PAPPA: variants seen among roughly 807,000 people sequenced by gnomAD.
PAPPA encodes pappalysin 1.
A neutral mutation model predicts 164.0 loss-of-function variants in PAPPA; 60 were observed. The ratio of observed to expected loss-of-function variants is 0.37; its 90% CI spans 0.30 to 0.45. PAPPA has a LOEUF of 0.45. Ranked by LOEUF, PAPPA falls within the 20% of genes least tolerant of loss-of-function variation. PAPPA has a pLI of 1.00. For synonymous variants in PAPPA, 875 were observed against 814.1 expected, an observed-to-expected ratio of 1.07 and a Z score of -1.27; for missense variants, 1,782 against 2,087.3, an observed-to-expected ratio of 0.85 and a Z score of 2.85.
chr9:116,291,408 T>G (rs989323071), intron 9 of PAPPA, among the ~76,000 whole-genome samples: 44 of 152,208 alleles, frequency 2.9e-4, no homozygotes, highest in Non-Finnish European at 5.4e-4. Flanking sequence ...CTTGGATTTA[T>G]GCTCTGACCT....
intron 17 of PAPPA, among the ~76,000 whole-genome samples, chr9:116,356,675 G>A (rs1224749408): frequency 6.6e-6 from 1 of 152,164 alleles, no homozygotes. Flanking sequence ...TACATGTGTG[G>A]TGTTATATCT....
intron 18 of PAPPA, among the ~76,000 whole-genome samples, chr9:116,364,526 C>T (rs1846473983): frequency 6.6e-6 from 1 of 152,178 alleles, no homozygotes; most frequent in Non-Finnish European, 1.5e-5. Flanking sequence ...AACACATACA[C>T]ACACAGGTAG....
intron 2 of PAPPA, among the ~76,000 whole-genome samples, chr9:116,199,298 T>C (rs907399180): frequency 1.3e-5 from 2 of 152,184 alleles, no homozygotes; most frequent in African/African-American, 4.8e-5. Flanking sequence ...AATCTCTGCA[T>C]TTAGAGCAGC....
At chr9:116,212,038 G>A in intron 4 of PAPPA, 106 bp downstream of exon 4, 1 of 975,758 alleles carries the variant, frequency 1.0e-6, no homozygotes, top group Non-Finnish European at 1.6e-6. Flanking sequence ...TCTAAGGATG[G>A]AAGGCCTAGC....
At chr9:116,370,279 CG>C (rs1466864783) in intron 19 of PAPPA, among the ~76,000 whole-genome samples, 1 of 152,150 alleles carries the variant, frequency 6.6e-6, no homozygotes, top group Non-Finnish European at 1.5e-5. Context: ...CACACACGTA[CG>C]ACCACACACA....
intron 4 of PAPPA, among the ~76,000 whole-genome samples, chr9:116,214,603 TC>T (rs1404814854): frequency 6.6e-6 from 1 of 152,086 alleles, no homozygotes; most frequent in Non-Finnish European, 1.5e-5. Context: ...GAAGCCTAAT[TC>T]AGTAGGCAGG....
chr9:116,295,869 T>G (rs1331625963), intron 9 of PAPPA, among the ~76,000 whole-genome samples: 1 of 152,214 alleles, frequency 6.6e-6, no homozygotes, highest in Non-Finnish European at 1.5e-5. Flanking sequence ...CCTGTCCTGA[T>G]TCATTAACGT....
At chr9:116,168,887 C>T (rs1369865513) in intron 1 of PAPPA, among the ~76,000 whole-genome samples, 1 of 152,186 alleles carries the variant, frequency 6.6e-6, no homozygotes, top group Non-Finnish European at 1.5e-5. Context: ...TGTCTCTGAG[C>T]TCCTTGGAGC....
At chr9:116,294,236 G>A (rs1845473353) in intron 9 of PAPPA, among the ~76,000 whole-genome samples, 2 of 152,162 alleles carry the variant, frequency 1.3e-5, no homozygotes, top group Non-Finnish European at 2.9e-5. Flanking sequence ...GATTCTCACA[G>A]TGAAACACAG....
chr9:116,180,011 C>G (rs1373722046), intron 1 of PAPPA, among the ~76,000 whole-genome samples: 1 of 152,056 alleles, frequency 6.6e-6, no homozygotes, highest in African/African-American at 2.4e-5. Flanking sequence ...GCAGATGTCC[C>G]ACAGCTAGTG....
rs143071441 is a variant in PAPPA, at chr9:116,269,599, A to G, written c.2862-1726A>G. On this transcript the variant is annotated intron_variant, in intron 8 of 21. Coordinates refer to ENST00000328252, the MANE Select transcript of PAPPA (RefSeq NM_002581.5). The stretch of plus-strand genomic sequence containing the variant: ...CCACCCGCTCCAGCCCCAGAGGTCA[A>G]ATAAGGTTTCGCAGAACTTCTTTAT... Among the ~76,000 whole-genome samples the G allele has an allele frequency of 2.6e-5, 4 of 152,306 alleles. No homozygotes were observed. The East Asian group carries it at 7.7e-4, about 29-fold the overall frequency.
At chr9:116,334,662 T>C (rs1431412898) in intron 12 of PAPPA, among the ~76,000 whole-genome samples, 199 bp from the exon 13 acceptor site, 1 of 151,608 alleles carries the variant, frequency 6.6e-6, no homozygotes, top group African/African-American at 2.4e-5. Context: ...GGCAGGGGGA[T>C]TGGAAAGATT....
At chr9:116,373,545 C>A (rs1250463042) in intron 19 of PAPPA, 1 of 152,040 alleles carries the variant, frequency 6.6e-6, no homozygotes, top group Non-Finnish European at 1.5e-5. Flanking sequence ...CAGATCTGAG[C>A]CTCTGGATGA....
At chr9:116,200,669 C>T (rs1844162099) in intron 2 of PAPPA, among the ~76,000 whole-genome samples, 1 of 152,174 alleles carries the variant, frequency 6.6e-6, no homozygotes, top group South Asian at 2.1e-4. Context: ...CTTCATAAAA[C>T]TTCTAATACC....
chr9:116,171,824 A>C (rs944078390), intron 1 of PAPPA, among the ~76,000 whole-genome samples: 3 of 152,232 alleles, frequency 2.0e-5, no homozygotes, highest in Non-Finnish European at 4.4e-5. Context: ...AAGCCCAGAC[A>C]GGGAGTTGCT....
intron 7 of PAPPA, among the ~76,000 whole-genome samples, 188 bp from the exon 8 acceptor site, chr9:116,265,669 T>C (rs1845058777): frequency 6.6e-6 from 1 of 152,348 alleles, no homozygotes; most frequent in South Asian, 2.1e-4. Flanking sequence ...CATTTTAGTG[T>C]AGTCCATTAT....
intron 14 of PAPPA, among the ~76,000 whole-genome samples, chr9:116,345,172 G>A (rs892805719): frequency 6.6e-5 from 10 of 152,132 alleles, no homozygotes; most frequent in Admixed American, 3.3e-4. Flanking sequence ...AAGACAAATC[G>A]AGTCCTTCTT....
intron 21 of PAPPA, among the ~76,000 whole-genome samples, chr9:116,387,849 C>G (rs1846836136): frequency 6.6e-6 from 1 of 152,226 alleles, no homozygotes; most frequent in Non-Finnish European, 1.5e-5. Context: ...TTGTGTCTTG[C>G]CCAAGCGTCT....
intron 5 of PAPPA, among the ~76,000 whole-genome samples, chr9:116,221,660 G>A (rs1844447489): frequency 6.6e-6 from 1 of 151,996 alleles, no homozygotes; most frequent in African/African-American, 2.4e-5. Flanking sequence ...ACTCGTATGT[G>A]CTTTCATTAA....
Sources: allele counts gnomAD v4.1 joint callset (sites outside exome capture counted in the v4.1 genomes callset), GRCh38; gene constraint gnomAD v4.1.1; transcripts MANE v1.5; gene names NCBI Gene and HGNC (gene_info 2026-07-23, HGNC 2026-07-21).